Variants in RAD23B observed in about 807,000 individuals in gnomAD.
The protein encoded by RAD23B is lysine-specific demethylase RAD23B.
Under a neutral mutation model 49.1 loss-of-function variants are expected in RAD23B, and 5 were observed. The observed-to-expected ratio is 0.10, with a 90% CI of 0.05 to 0.21. The LOEUF is 0.21. Among genes scored for constraint, RAD23B ranks in the 10% least tolerant of loss-of-function variants. The pLI, the probability that RAD23B is intolerant of heterozygous loss-of-function variation, is 1.00. For missense variants in RAD23B, 356 were observed against 486.7 expected, an observed-to-expected ratio of 0.73 and a Z score of 2.53; for synonymous variants, 184 against 165.4, an observed-to-expected ratio of 1.11 and a Z score of -0.86.
At chr9:107,292,763 T>C (rs1833408893) in intron 1 of RAD23B, among the ~76,000 whole-genome samples, 1 of 151,078 alleles carries the variant, frequency 6.6e-6, no homozygotes, top group Non-Finnish European at 1.5e-5. Context: ...CCCATATGAG[T>C]AGCCAGGATT....
At chr9:107,287,565 T>TA (rs1833297310) in intron 1 of RAD23B, among the ~76,000 whole-genome samples, 1 of 152,188 alleles carries the variant, frequency 6.6e-6, no homozygotes, top group Admixed American at 6.5e-5. Flanking sequence ...ATGTGATTGT[T>TA]ATAAAATACT....
rs1827315661 is a variant in RAD23B at position 107,331,842 on chromosome 9, G to A, written c.*2186G>A. Reference sequence around the variant, plus strand: ...GTTCCATACAGTACCTTGTTTATCTGCTTCTTAAAGAATCAGCCGAGACAC... The same window carrying A: ...GTTCCATACAGTACCTTGTTTATCTACTTCTTAAAGAATCAGCCGAGACAC... On this transcript the variant is annotated 3_prime_UTR_variant, in exon 10 of 10. Coordinates refer to ENST00000358015, the MANE Select transcript of RAD23B (RefSeq NM_002874.5). 3.3e-6 allele frequency: 2 copies of A among 614,306 alleles called. No individual in the cohort carries two copies. Among genetic ancestry groups the A allele is most frequent in the Non-Finnish European group, 5.9e-6 (2 of 337,666 alleles). The allele number at this position is 614,306 out of a possible 1,614,324, so 38.1% of individuals were successfully genotyped here.
intron 3 of RAD23B, among the ~76,000 whole-genome samples, chr9:107,304,728 G>A (rs900512725): frequency 9.2e-5 from 14 of 152,126 alleles, no homozygotes; most frequent in Admixed American, 9.2e-4. Context: ...AACAGGTAGC[G>A]AGCATTGAGA....
rs73517734 is a variant in RAD23B at position 107,313,696 on chromosome 9, A to T, written c.553+1959A>T. ...TCTCCCTCTGAACTCCCAAACTCGTATCTTCACATTGTCAACTAGAAAACT... is the reference window on the plus strand; with the variant it reads ...TCTCCCTCTGAACTCCCAAACTCGTTTCTTCACATTGTCAACTAGAAAACT... On this transcript the variant is annotated intron_variant, in intron 5 of 9. Coordinates refer to ENST00000358015, the MANE Select transcript of RAD23B (RefSeq NM_002874.5). 5.5e-3 allele frequency among the ~76,000 whole-genome samples: 841 copies of T among 152,266 alleles called. 7 individuals are homozygous for T. The highest frequency in any genetic ancestry group is 0.019 in the African/African-American group (807 of 41,544).
chr9:107,283,931 G>A, intron 1 of RAD23B: 1 of 1,067,526 alleles, frequency 9.4e-7, no homozygotes, highest in Non-Finnish European at 1.2e-6. Flanking sequence ...CCTGGTGGCA[G>A]ATGGCGTGGA....
chr9:107,318,002 G>A lies in RAD23B; in HGVS notation c.554-750G>A, dbSNP rs1188139777. Reference sequence around the variant, plus strand: ...GGTTTGAAATACCATCCCTTCCCCAGCATGTTTTCAGAATTTGGTGTCTCT... The same window carrying A: ...GGTTTGAAATACCATCCCTTCCCCAACATGTTTTCAGAATTTGGTGTCTCT... On this transcript the variant is annotated intron_variant, in intron 5 of 9. Coordinates refer to ENST00000358015, the MANE Select transcript of RAD23B (RefSeq NM_002874.5). This position sits in a 1 kb window ranked among gnomAD's most constrained non-coding sequence, Gnocchi z 4.3. 2.6e-5 allele frequency among the ~76,000 whole-genome samples: 4 copies of A among 152,114 alleles called. No individual in the cohort carries two copies. The highest frequency in any genetic ancestry group is 9.7e-5 in the African/African-American group (4 of 41,404).
In RAD23B at chr9:107,329,905, C is replaced by T; in HGVS notation, c.*249C>T. On this transcript the variant is annotated 3_prime_UTR_variant, in exon 10 of 10. Transcript: ENST00000358015. ...CAACCAAAAATCAGCTTTTGCAGGT[C>T]TTTATTTCTTCTGTAAAACAGTAGG... The T allele has an allele frequency of 3.9e-6, 1 of 257,670 alleles. No individual in the cohort carries two copies. The highest frequency in any genetic ancestry group is 7.3e-6 in the Non-Finnish European group (1 of 136,798). 16.0% of individuals were successfully genotyped at this position (257,670 alleles called of 1,614,324 possible).
At chr9:107,324,719 T>C (rs1827171037) in intron 8 of RAD23B, 115 bp from the exon 9 acceptor site, 5 of 1,075,648 alleles carry the variant, frequency 4.6e-6, no homozygotes, top group Non-Finnish European at 1.3e-6. Flanking sequence ...CCAGAATCAC[T>C]AAATTACGTT....
chr9:107,309,947 A>G (rs1447435937), intron 4 of RAD23B, among the ~76,000 whole-genome samples: 3 of 151,220 alleles, frequency 2.0e-5, no homozygotes, highest in Non-Finnish European at 4.4e-5. Flanking sequence ...AAAAAAAAAA[A>G]AAACCAATGT....
At chr9:107,290,037 C>G (rs546092298) in intron 1 of RAD23B, among the ~76,000 whole-genome samples, 1 of 152,190 alleles carries the variant, frequency 6.6e-6, no homozygotes, top group Admixed American at 6.5e-5. Context: ...TATGCAGCAC[C>G]TGACAGTCTT....
intron 1 of RAD23B, among the ~76,000 whole-genome samples, chr9:107,287,932 A>G (rs1048155383): frequency 6.6e-6 from 1 of 152,012 alleles, no homozygotes; most frequent in Non-Finnish European, 1.5e-5. Flanking sequence ...TTAGTGAAGT[A>G]TTCCTGTGGT....
intron 2 of RAD23B, among the ~76,000 whole-genome samples, chr9:107,301,778 C>CTA (rs1826659660): frequency 6.6e-6 from 1 of 151,988 alleles, no homozygotes; most frequent in African/African-American, 2.4e-5. Flanking sequence ...TGGCCTCAAG[C>CTA]TATATTTCCT....
chr9:107,324,464 T>G (rs1441490253), intron 8 of RAD23B, among the ~76,000 whole-genome samples: 1 of 152,232 alleles, frequency 6.6e-6, no homozygotes, highest in Admixed American at 6.5e-5. Context: ...TATTTGAATT[T>G]TATACAGCAT....
intron 5 of RAD23B, among the ~76,000 whole-genome samples, chr9:107,313,723 T>C (rs1447706247): frequency 6.6e-6 from 1 of 152,240 alleles, no homozygotes; most frequent in East Asian, 1.9e-4. Context: ...TAGAAAACTT[T>C]AGAACCTCCA....
At chr9:107,311,112 A>C (rs1303910148) in intron 4 of RAD23B, among the ~76,000 whole-genome samples, 1 of 152,214 alleles carries the variant, frequency 6.6e-6, no homozygotes, top group Non-Finnish European at 1.5e-5. Flanking sequence ...ACAGAAACTT[A>C]ATCTCTTTAA....
At position 107,322,047 on chromosome 9, in the gene RAD23B, C is replaced by T. The variant is rs1805329; in HGVS notation, c.746C>T (p.Ala249Val). Residue 249 changes from alanine (A) to valine (V), a missense_variant, in exon 7 of 10, where the codon GCT becomes GTT. Physicochemically the swap from Ala to Val is moderately conservative, Grantham distance 64. This residue lies in a region of RAD23B where 148 missense variants were observed against 231.7 expected (regional missense o/e 0.64). Coordinates refer to ENST00000358015, the MANE Select transcript of RAD23B (RefSeq NM_002874.5). Reference sequence around the variant, plus strand: ...CCCCCTCAAGCAGCTAGTACTGGGGCTCCTCAGTCTTCAGCAGTGGCTGCA... The same window carrying T: ...CCCCCTCAAGCAGCTAGTACTGGGGTTCCTCAGTCTTCAGCAGTGGCTGCA... Reference protein sequence around the residue: ...VDPPQAASTGAPQSSAVAAAA... With the variant: ...VDPPQAASTGVPQSSAVAAAA... 308,917 of 1,611,794 alleles carry T rather than the reference C, an allele frequency of 0.19. 31,822 individuals are homozygous for T. The highest frequency in any genetic ancestry group is 0.29 in the Admixed American group (17,241 of 59,632).
intron 1 of RAD23B, among the ~76,000 whole-genome samples, chr9:107,295,590 G>A (rs754716310): frequency 1.3e-5 from 2 of 152,202 alleles, no homozygotes; most frequent in Non-Finnish European, 2.9e-5. Flanking sequence ...CAGACAGTAC[G>A]AGAGGATGCT....
chr9:107,329,092 A>G (rs1342762513), intron 9 of RAD23B, among the ~76,000 whole-genome samples: 1 of 152,174 alleles, frequency 6.6e-6, no homozygotes, highest in Non-Finnish European at 1.5e-5. Context: ...AATAAAACAT[A>G]ATTTGCTTTT....
At chr9:107,321,050 TATCA>T (rs1429504244) in intron 6 of RAD23B, among the ~76,000 whole-genome samples, 5 of 152,192 alleles carry the variant, frequency 3.3e-5, no homozygotes, top group Non-Finnish European at 7.3e-5. Context: ...ATGACAAGTC[TATCA>T]ATCATGTGCA....
Sources: allele counts gnomAD v4.1 joint callset (sites outside exome capture counted in the v4.1 genomes callset), GRCh38; gene constraint gnomAD v4.1.1; regional missense constraint gnomAD v4.1.1; non-coding constraint Gnocchi (gnomAD v3.1); transcripts MANE v1.5; gene names NCBI Gene and HGNC (gene_info 2026-07-23, HGNC 2026-07-21).